ANXA8: variants seen among roughly 807,000 people sequenced by gnomAD.
ANXA8 encodes the protein VAC-beta.
A neutral mutation model predicts 26.8 loss-of-function variants in ANXA8; 9 were observed. The ratio of observed to expected loss-of-function variants is 0.34; its 90% CI spans 0.20 to 0.59. ANXA8 has a LOEUF of 0.59. Ranked by LOEUF, ANXA8 falls within the 20% of genes least tolerant of loss-of-function variation. The pLI is 0.84. For synonymous variants in ANXA8, 39 were observed against 94.8 expected (o/e 0.41, Z 3.42); for missense variants, 83 against 238.5 (o/e 0.35, Z 4.29).
chr10:47,561,071 T>A, the ANXA8 span, among the ~76,000 whole-genome samples: 1 of 151,742 alleles, frequency 6.6e-6, no homozygotes, highest in African/African-American at 2.4e-5. Flanking sequence ...GCCTTTCAAT[T>A]TTTTTATTTT....
the ANXA8 span, among the ~76,000 whole-genome samples, chr10:47,977,780 C>T: frequency 6.6e-6 from 1 of 151,284 alleles, no homozygotes; most frequent in Non-Finnish European, 1.5e-5. Context: ...ATCCAGGGAA[C>T]AGAAAGTCAA....
chr10:47,624,242 C>CAAA, the ANXA8 span, among the ~76,000 whole-genome samples: 53 of 28,910 alleles, frequency 1.8e-3, no homozygotes, highest in East Asian at 3.3e-3. Flanking sequence ...GACTCCATCT[C>CAAA]AAAAAAAAAA....
the ANXA8 span, chr10:47,540,057 G>GA: frequency 9.7e-5 from 8 of 82,746 alleles, no homozygotes; most frequent in South Asian, 4.2e-4. Context: ...ATTTGGATAA[G>GA]AAAAAAAAAT....
At chr10:47,469,803 C>T (rs1839263895) in intron 11 of ANXA8, among the ~76,000 whole-genome samples, 1 of 151,576 alleles carries the variant, frequency 6.6e-6, no homozygotes, top group Non-Finnish European at 1.5e-5. Flanking sequence ...TTATTGTCTA[C>T]TTTTCACCAT....
chr10:47,983,644 T>TAAACC, the ANXA8 span, among the ~76,000 whole-genome samples: 1 of 71,512 alleles, frequency 1.4e-5, no homozygotes, highest in African/African-American at 5.5e-5. Context: ...GGTATTTTCC[T>TAAACC]TCTGTACTGA....
At chr10:47,894,864 C>T in the ANXA8 span, among the ~76,000 whole-genome samples, 1 of 152,244 alleles carries the variant, frequency 6.6e-6, no homozygotes, top group Non-Finnish European at 1.5e-5. Context: ...ACACATGCCA[C>T]TCACATACCC....
At chr10:47,743,261 TATAC>T in the ANXA8 span, among the ~76,000 whole-genome samples, 1 of 113,206 alleles carries the variant, frequency 8.8e-6, no homozygotes, top group East Asian at 2.7e-4. Context: ...TATATATATA[TATAC>T]ATATATATAT....
the ANXA8 span, among the ~76,000 whole-genome samples, chr10:47,772,299 A>G: frequency 2.6e-5 from 4 of 151,980 alleles, no homozygotes; most frequent in African/African-American, 4.8e-5. Flanking sequence ...AAGTTTCGAG[A>G]TGGCTTGGTG....
the ANXA8 span, among the ~76,000 whole-genome samples, chr10:47,584,827 C>A: frequency 2.3e-5 from 3 of 131,418 alleles, no homozygotes; most frequent in Non-Finnish European, 4.6e-5. Context: ...GTGGCTCACA[C>A]CTGTAATCCC....
chr10:47,707,490 G>A, the ANXA8 span, among the ~76,000 whole-genome samples: 1 of 142,732 alleles, frequency 7.0e-6, no homozygotes, highest in East Asian at 2.8e-4. Context: ...AGGCTCAAGA[G>A]ATTCTTCTAC....
the ANXA8 span, among the ~76,000 whole-genome samples, chr10:47,950,494 A>T: frequency 6.6e-6 from 1 of 151,012 alleles, no homozygotes; most frequent in Non-Finnish European, 1.5e-5. Context: ...CAGCGCAATA[A>T]ATCAATCAAC....
At chr10:47,667,728 TTTTTG>T in the ANXA8 span, among the ~76,000 whole-genome samples, 8 of 151,094 alleles carry the variant, frequency 5.3e-5, no homozygotes, top group East Asian at 1.9e-4. Flanking sequence ...AATTTTTGTT[TTTTTG>T]TTTTGTTTTG....
chr10:47,493,154 A>C, the ANXA8 span, among the ~76,000 whole-genome samples: 2 of 151,086 alleles, frequency 1.3e-5, no homozygotes, highest in South Asian at 4.2e-4. Context: ...GGGCTTCAAC[A>C]ATTTAGAGGG....
chr10:47,588,408 A>G, the ANXA8 span, among the ~76,000 whole-genome samples: 1 of 133,594 alleles, frequency 7.5e-6, no homozygotes, highest in Non-Finnish European at 1.5e-5. Flanking sequence ...CCCGGGGAGA[A>G]CTGGAGCCTT....
At chr10:47,631,427 G>C in the ANXA8 span, among the ~76,000 whole-genome samples, 2 of 151,064 alleles carry the variant, frequency 1.3e-5, no homozygotes, top group African/African-American at 4.9e-5. Context: ...TGCACAGTAA[G>C]GCCTTATATG....
chr10:47,515,738 G>A, the ANXA8 span, among the ~76,000 whole-genome samples: 1 of 140,546 alleles, frequency 7.1e-6, no homozygotes, highest in Admixed American at 7.2e-5. Flanking sequence ...TACTTTCCAG[G>A]CAGAAAATTG....
At chr10:47,985,717 T>C in the ANXA8 span, 2 of 95,658 alleles carry the variant, frequency 2.1e-5, no homozygotes, top group Non-Finnish European at 2.3e-5. Context: ...ACTCCATCCA[T>C]AAACCCCAAA....
the ANXA8 span, among the ~76,000 whole-genome samples, chr10:47,736,422 AAATC>A: frequency 1.2e-5 from 1 of 81,010 alleles, no homozygotes; most frequent in Non-Finnish European, 2.4e-5. Context: ...ACGTCTTTCC[AAATC>A]AATCAACATA....
At chr10:47,588,587 C>T in the ANXA8 span, 1 of 143,528 alleles carries the variant, frequency 7.0e-6, no homozygotes, top group Non-Finnish European at 1.5e-5. Context: ...GTCACACCCT[C>T]CCCTGAGCCT....
Sources: allele counts gnomAD v4.1 joint callset (sites outside exome capture counted in the v4.1 genomes callset), GRCh38; gene constraint gnomAD v4.1.1; transcripts MANE v1.5; gene names NCBI Gene and HGNC (gene_info 2026-07-23, HGNC 2026-07-21).